The following IGSF9B variants were observed in gnomAD, a reference collection of about 807,000 sequenced individuals.
IGSF9B encodes the protein immunoglobulin superfamily member 9B, also known as protein turtle homolog B.
IGSF9B carries 48 observed loss-of-function variants against 143.7 expected under a neutral mutation model. That is an observed-to-expected ratio of 0.33 (90% confidence interval 0.26 to 0.42). IGSF9B has a LOEUF of 0.42. IGSF9B is among the 20% of genes least tolerant of loss of function. The pLI is 1.00. For missense variants in IGSF9B, 1,706 were observed against 1,980.0 expected (o/e 0.86, Z 2.63); for synonymous variants, 903 against 833.1 (o/e 1.08, Z -1.44).
chr11:133,917,106 G>A (rs3802920), intron 18 of IGSF9B, among the ~76,000 whole-genome samples: 7 of 152,174 alleles, frequency 4.6e-5, no homozygotes, highest in African/African-American at 9.6e-5. Context: ...CATCTCTAGG[G>A]GGGGAAGGCA....
intron 1 of IGSF9B, among the ~76,000 whole-genome samples, chr11:133,954,239 G>A (rs548755424): frequency 1.3e-5 from 2 of 152,240 alleles, no homozygotes; most frequent in East Asian, 1.9e-4. Context: ...CTCACTTCCC[G>A]GGCTGTGTCC....
chr11:133,937,691 C>T (rs769428972), intron 4 of IGSF9B, 119 bp downstream of exon 4: 182 of 1,303,802 alleles, frequency 1.4e-4, no homozygotes, highest in African/African-American at 3.8e-4. Flanking sequence ...AGCCAGGCTA[C>T]GGCTTTCCAG....
intron 4 of IGSF9B, 48 bp from the exon 5 acceptor site, chr11:133,937,541 C>A: frequency 7.0e-7 from 1 of 1,428,182 alleles, no homozygotes; most frequent in Non-Finnish European, 9.8e-7. Context: ...TCACACCCAC[C>A]GCTGCTACCC....
At chr11:133,915,623 C>G (rs749074152) in intron 18 of IGSF9B, among the ~76,000 whole-genome samples, 5 of 152,146 alleles carry the variant, frequency 3.3e-5, no homozygotes, top group Non-Finnish European at 5.9e-5. Flanking sequence ...TTGCTTAGCT[C>G]TCAGCTTACC....
chr11:133,916,497 C>A (rs1007712402), intron 18 of IGSF9B, among the ~76,000 whole-genome samples: 6 of 152,156 alleles, frequency 3.9e-5, no homozygotes, highest in African/African-American at 1.4e-4. Context: ...GGGGAGGCTC[C>A]CAGCAGGCAG....
rs1020461247 is a variant in IGSF9B, at chr11:133,937,862, A to G, written c.509T>C (p.Ile170Thr). ...TCTAFGNPKP[I>T]VTWLKEGTLL... Reference sequence around the variant, plus strand: ...CGTCCCCTCCTTGAGCCAGGTGACAATGGGCTTGGGGTTCCCAAAAGCTGT... The same window carrying G: ...CGTCCCCTCCTTGAGCCAGGTGACAGTGGGCTTGGGGTTCCCAAAAGCTGT... The change falls in exon 4 of 20, where the codon ATT becomes ACT. Residue 170 changes from isoleucine (I) to threonine (T), a missense_variant. By Grantham distance (89) the Ile-to-Thr change is moderately conservative. Transcript: ENST00000533871. 3 of 1,611,478 alleles carry G rather than the reference A, an allele frequency of 1.9e-6. No homozygotes were observed. In the Admixed American group the frequency reaches 5.0e-5, roughly 27 times the overall value.
In IGSF9B at chr11:133,931,393, C is replaced by G. The variant is rs1939726320; in HGVS notation, c.1368+60G>C. On this transcript the variant is annotated intron_variant, in intron 10 of 19. Coordinates refer to ENST00000533871, the MANE Select transcript of IGSF9B (RefSeq NM_001277285.4). This position sits in a 1 kb window ranked among gnomAD's most constrained non-coding sequence, Gnocchi z 7.7. ...CTGGGCCCTCAAACCTCCCCGCAGC[C>G]CCAGGGCTCCCTGGGCCCTCACACC... 2 of 1,273,892 alleles carry G rather than the reference C, an allele frequency of 1.6e-6. No individual in the cohort carries two copies. Among genetic ancestry groups the G allele is most frequent in the Admixed American group, 3.9e-5 (2 of 51,374 alleles). 78.9% of individuals were successfully genotyped at this position (1,273,892 alleles called of 1,614,324 possible). A position where few individuals can be genotyped will look rare whatever the true frequency, so the allele number is the denominator to read the frequency against.
chr11:133,912,188 C>T, intron 18 of IGSF9B, 181 bp from the exon 19 acceptor site: 1 of 785,198 alleles, frequency 1.3e-6, no homozygotes, highest in Non-Finnish European at 2.1e-6. Flanking sequence ...AAGAAGAAAA[C>T]CCAGTAGAAA....
Position 133,920,368 on chromosome 11 carries a change from G to A in IGSF9B, c.3357C>T (p.Ala1119=). The part of the protein sequence containing the change: ...GRGPVPAPPA[A]KWQDRPMQPL... ...GTTGCATAGGTCTGTCCTGCCACTT[G>A]GCGGCGGGGGGCGCTGGGACAGGGC... Residue 1119 remains alanine (A), a synonymous_variant, in exon 18 of 20, where the codon GCC becomes GCT. Transcript: ENST00000533871. The A allele has an allele frequency of 6.2e-7, 1 of 1,604,462 alleles. No homozygotes were observed. The highest frequency in any genetic ancestry group is 8.5e-7 in the Non-Finnish European group (1 of 1,176,032).
At position 133,922,699 on chromosome 11, in the gene IGSF9B, A is replaced by G. The variant is rs2121295765; in HGVS notation, c.2151T>C (p.Asp717=). Residue 717 remains aspartate (D), a synonymous_variant, in exon 16 of 20, where the codon GAT becomes GAC. Transcript: ENST00000533871. ...DIFPQPDLTE[D]GLARPVLAGI... is the part of the protein sequence containing the mutation. ...CCGCCAGCACAGGCCGCGCCAGCCC[A>G]TCCTCGGTCAGGTCCGGCTGCGGGA... 1.3e-6 allele frequency: 2 copies of G among 1,583,922 alleles called. No individual in the cohort carries two copies. Among genetic ancestry groups the G allele is most frequent in the Non-Finnish European group, 1.7e-6 (2 of 1,166,270 alleles).
At position 133,905,841 on chromosome 11, in the gene IGSF9B, G is replaced by A. The variant is rs778702093; in HGVS notation, c.*3228C>T. 6.6e-6 allele frequency among the ~76,000 whole-genome samples: 1 copy of A among 152,158 alleles called. No homozygotes were observed. The highest frequency in any genetic ancestry group is 2.4e-5 in the African/African-American group (1 of 41,432). On this transcript the variant is annotated 3_prime_UTR_variant, in exon 20 of 20. Transcript: ENST00000533871. This position sits in a 1 kb window ranked among gnomAD's most constrained non-coding sequence, Gnocchi z 4.0. The stretch of plus-strand genomic sequence containing the variant: ...CCCCGCTCAGCACCAGGGAGCCCAC[G>A]GCAGCCCACCAGCAAATCAAGACAG...
At position 133,907,578 on chromosome 11, in the gene IGSF9B, C is replaced by T. The variant is rs1939228148; in HGVS notation, c.*1491G>A. 6.6e-6 allele frequency among the ~76,000 whole-genome samples: 1 copy of T among 152,254 alleles called. No homozygotes were observed. Among genetic ancestry groups the T allele is most frequent in the African/African-American group, 2.4e-5 (1 of 41,474 alleles). On this transcript the variant is annotated 3_prime_UTR_variant, in exon 20 of 20. Transcript: ENST00000533871. ...TCCACCCCGCCCTCGGGGCCTTCTGCCCTGCCCTTGGGCAGCACCATATCT... is the reference window on the plus strand; with the variant it reads ...TCCACCCCGCCCTCGGGGCCTTCTGTCCTGCCCTTGGGCAGCACCATATCT...
rs1457428270 is a variant in IGSF9B at position 133,902,422 on chromosome 11, ACACAC to A, written c.*6642_*6646del. Among the ~76,000 whole-genome samples the A allele has an allele frequency of 1.2e-5, 1 of 85,450 alleles. No individual in the cohort carries two copies. Among genetic ancestry groups the A allele is most frequent in the Non-Finnish European group, 2.9e-5 (1 of 34,810 alleles). The allele number at this position is 85,450 out of a possible 152,430, so 56.1% of individuals were successfully genotyped here. On this transcript the variant is annotated 3_prime_UTR_variant, in exon 20 of 20. Coordinates refer to ENST00000533871, the MANE Select transcript of IGSF9B (RefSeq NM_001277285.4). Reference sequence around the variant, plus strand: ...GCACAACACATACCACACACAATACACACACCACACCACACACACCACCCAGACAC... The same window carrying A: ...GCACAACACATACCACACACAATACACACACCACACACACCACCCAGACAC...
chr11:133,956,146 G>C (rs1591730340), intron 1 of IGSF9B, among the ~76,000 whole-genome samples: 1 of 152,176 alleles, frequency 6.6e-6, no homozygotes, highest in African/African-American at 2.4e-5. Flanking sequence ...AAGATGTGTG[G>C]GCAGGAGGGG....
At chr11:133,914,394 C>T (rs1939345992) in intron 18 of IGSF9B, among the ~76,000 whole-genome samples, 1 of 152,306 alleles carries the variant, frequency 6.6e-6, no homozygotes, top group South Asian at 2.1e-4. Context: ...GCATCCCCGC[C>T]ACACCTGAGA....
chr11:133,914,049 C>T, intron 18 of IGSF9B, among the ~76,000 whole-genome samples: 1 of 152,164 alleles, frequency 6.6e-6, no homozygotes, highest in East Asian at 1.9e-4. Context: ...ATTCTTCAAG[C>T]CAGGTGAAAC....
Position 133,919,770 on chromosome 11 carries a change from T to C in IGSF9B, c.3955A>G (p.Thr1319Ala). Residue 1319 changes from threonine to alanine, a missense_variant, in exon 18 of 20, where the codon ACC becomes GCC. Coordinates refer to ENST00000533871, the MANE Select transcript of IGSF9B (RefSeq NM_001277285.4). ...GAAGTAGGTAACGTGGGTGGTGGGG[T>C]CTCCGGTCGGAGCAATTCCTCCCCC... The part of the protein sequence containing the change: ...RTGEELLRPE[T>A]PPPTLPTSGT... 6.8e-7 allele frequency: 1 copy of C among 1,476,186 alleles called. No homozygotes were observed. Among genetic ancestry groups the C allele is most frequent in the Middle Eastern group, 1.8e-4 (1 of 5,458 alleles). The allele number at this position is 1,476,186 out of a possible 1,614,324, so 91.4% of individuals were successfully genotyped here.
Position 133,919,776 on chromosome 11 carries a change from G to A in IGSF9B, c.3949C>T (p.Pro1317Ser), listed in dbSNP as rs1211898431. 1.3e-6 allele frequency: 2 copies of A among 1,487,566 alleles called. No homozygotes were observed. Among genetic ancestry groups the A allele is most frequent in the African/African-American group, 1.4e-5 (1 of 70,956 alleles). 92.1% of individuals were successfully genotyped at this position (1,487,566 alleles called of 1,614,324 possible). Residue 1317 changes from proline to serine, a missense_variant, in exon 18 of 20, where the codon CCG becomes TCG. Pro to Ser is a moderately conservative substitution (Grantham distance 74). This residue lies in a region of IGSF9B where 880 missense variants were observed against 762.9 expected (regional missense o/e 1.15). Coordinates refer to ENST00000533871, the MANE Select transcript of IGSF9B (RefSeq NM_001277285.4). ...GGTAACGTGGGTGGTGGGGTCTCCG[G>A]TCGGAGCAATTCCTCCCCCGTCCTT... is the stretch of plus-strand genomic sequence containing the variant. ...PRRTGEELLR[P>S]ETPPPTLPTS...
chr11:133,919,518 G>A (rs1162819306), intron 18 of IGSF9B, among the ~76,000 whole-genome samples: 2 of 152,184 alleles, frequency 1.3e-5, no homozygotes, highest in African/African-American at 2.4e-5. Flanking sequence ...CGGAGAAGAC[G>A]CCTCATGCTC....
Sources: gnomAD v4.1 joint callset for allele counts (sites outside exome capture counted in the v4.1 genomes callset) on GRCh38, gnomAD v4.1.1 for gene constraint, gnomAD v4.1.1 regional missense constraint, Gnocchi (gnomAD v3.1) non-coding constraint, MANE v1.5 for transcripts, NCBI Gene and HGNC (gene_info 2026-07-23, HGNC 2026-07-21) for gene names.